FOXP1: variants seen among roughly 807,000 people sequenced by gnomAD.
The protein encoded by FOXP1 is forkhead box protein P1.
A neutral mutation model predicts 98.2 loss-of-function variants in FOXP1; 15 were observed. That is an observed-to-expected ratio of 0.15 (90% CI 0.10 to 0.24). FOXP1 has a LOEUF of 0.24. Among genes scored for constraint, FOXP1 ranks in the 10% least tolerant of loss-of-function variants. The pLI is 1.00. For missense variants in FOXP1, 633 were observed against 848.5 expected, an observed-to-expected ratio of 0.75 and a Z score of 3.15; for synonymous variants, 371 against 314.5, an observed-to-expected ratio of 1.18 and a Z score of -1.90.
intron 4 of FOXP1, among the ~76,000 whole-genome samples, chr3:71,326,325 A>G (rs1442606667): frequency 1.3e-5 from 2 of 152,206 alleles, no homozygotes; most frequent in Non-Finnish European, 2.9e-5. Flanking sequence ...CCCAATGGGG[A>G]CTCAATGGGC....
chr3:71,570,667 T>A (rs1181948912), intron 2 of FOXP1: 1 of 152,148 alleles, frequency 6.6e-6, no homozygotes, highest in Non-Finnish European at 1.5e-5. Context: ...AGAACAGAGT[T>A]TGGGCAACAC....
chr3:71,283,720 C>T (rs917607843), intron 5 of FOXP1, among the ~76,000 whole-genome samples: 3 of 152,142 alleles, frequency 2.0e-5, no homozygotes, highest in Non-Finnish European at 4.4e-5. Context: ...GCAAAAGAGC[C>T]TTTTGGTTTT....
chr3:70,989,389 T>C (rs569997342), intron 13 of FOXP1, among the ~76,000 whole-genome samples: 2 of 152,264 alleles, frequency 1.3e-5, no homozygotes, highest in East Asian at 3.9e-4. Flanking sequence ...TTAGCATTTA[T>C]CTTTCAACAA....
At position 71,494,534 on chromosome 3, in the gene FOXP1, G is replaced by A. The variant is rs911571537; in HGVS notation, c.-297-979C>T. On this transcript the variant is annotated intron_variant, in intron 2 of 20. Transcript: ENST00000649528. ...AACCCTATTGAGCCAGCATCCCGGC[G>A]GCTGGCAGCATCCCCTGGGTGCCCA... is the stretch of plus-strand genomic sequence containing the variant. Among the ~76,000 whole-genome samples the A allele has an allele frequency of 9.2e-5, 14 of 152,232 alleles. No individual in the cohort carries two copies. The East Asian group carries it at 1.5e-3, about 17-fold the overall frequency.
intron 2 of FOXP1, among the ~76,000 whole-genome samples, chr3:71,561,755 T>C (rs896060914): frequency 2.0e-4 from 30 of 152,186 alleles, no homozygotes; most frequent in Admixed American, 3.9e-4. Flanking sequence ...TCAAATTCTA[T>C]CCCATGAAAA....
At chr3:71,524,647 T>C (rs1375755106) in intron 2 of FOXP1, among the ~76,000 whole-genome samples, 1 of 152,206 alleles carries the variant, frequency 6.6e-6, no homozygotes, top group African/African-American at 2.4e-5. Flanking sequence ...AACTTCTTTC[T>C]GTAAAATATT....
chr3:70,979,435 A>C (rs903367507), intron 14 of FOXP1, among the ~76,000 whole-genome samples: 1 of 152,130 alleles, frequency 6.6e-6, no homozygotes, highest in South Asian at 2.1e-4. Context: ...GTTGCAACAG[A>C]AATATTATTT....
intron 3 of FOXP1, among the ~76,000 whole-genome samples, chr3:71,423,138 A>G (rs1461263864): frequency 6.6e-6 from 1 of 152,228 alleles, no homozygotes; most frequent in Non-Finnish European, 1.5e-5. Context: ...GTCCCCAGAG[A>G]CAATTTCACA....
intron 6 of FOXP1, among the ~76,000 whole-genome samples, chr3:71,112,960 G>C (rs2058062992): frequency 6.6e-6 from 1 of 152,108 alleles, no homozygotes; most frequent in Non-Finnish European, 1.5e-5. Context: ...GACCAGGAGG[G>C]ACCCAAGCAA....
At chr3:71,097,891 TG>T (rs555225137) in intron 7 of FOXP1, among the ~76,000 whole-genome samples, 46 of 152,336 alleles carry the variant, frequency 3.0e-4, no homozygotes, top group Middle Eastern at 3.4e-3. Context: ...TTTTATCTTC[TG>T]GAAATGCTTG....
intron 4 of FOXP1, among the ~76,000 whole-genome samples, chr3:71,319,024 A>C (rs1299251109): frequency 1.3e-5 from 2 of 152,366 alleles, no homozygotes; most frequent in East Asian, 3.9e-4. Flanking sequence ...AGAGGGCAGA[A>C]ACATTTCAAA....
chr3:71,418,746 G>T (rs1181601397), intron 3 of FOXP1, among the ~76,000 whole-genome samples: 1 of 152,096 alleles, frequency 6.6e-6, no homozygotes, highest in Non-Finnish European at 1.5e-5. Context: ...ATTTTGTCCA[G>T]TTAGCCATTT....
At chr3:71,341,423 G>T (rs1056155280) in intron 4 of FOXP1, among the ~76,000 whole-genome samples, 2 of 152,136 alleles carry the variant, frequency 1.3e-5, no homozygotes, top group Non-Finnish European at 2.9e-5. Context: ...AACTTATGAG[G>T]TACAGATAAA....
At chr3:71,061,838 A>G (rs954688428) in intron 7 of FOXP1, among the ~76,000 whole-genome samples, 1 of 152,194 alleles carries the variant, frequency 6.6e-6, no homozygotes, top group Non-Finnish European at 1.5e-5. Context: ...TGCCAATTCA[A>G]ATTTTACTCA....
intron 6 of FOXP1, among the ~76,000 whole-genome samples, chr3:71,147,658 A>G (rs1334971558): frequency 1.3e-5 from 2 of 152,212 alleles, no homozygotes; most frequent in Non-Finnish European, 2.9e-5. Context: ...CTGCCCTGAA[A>G]ATTTTCTAGT....
chr3:71,171,599 A>G (rs1318593517), intron 6 of FOXP1, among the ~76,000 whole-genome samples: 1 of 152,224 alleles, frequency 6.6e-6, no homozygotes, highest in Admixed American at 6.5e-5. Context: ...ATAAGAAATA[A>G]AAGTGACTTT....
chr3:71,295,142 T>C (rs1244592529), intron 5 of FOXP1, among the ~76,000 whole-genome samples: 1 of 152,208 alleles, frequency 6.6e-6, no homozygotes, highest in African/African-American at 2.4e-5. Flanking sequence ...CTTAACTGAA[T>C]TGACTGATCA....
At chr3:71,373,193 T>A (rs904270617) in intron 3 of FOXP1, among the ~76,000 whole-genome samples, 1 of 152,204 alleles carries the variant, frequency 6.6e-6, no homozygotes, top group Non-Finnish European at 1.5e-5. Flanking sequence ...CCATATTATG[T>A]CATTGTGTAT....
At chr3:71,314,436 G>A (rs1303610487) in intron 4 of FOXP1, among the ~76,000 whole-genome samples, 1 of 151,912 alleles carries the variant, frequency 6.6e-6, no homozygotes, top group Non-Finnish European at 1.5e-5. Context: ...GCTGAGACAG[G>A]AGAATCACTT....
Sources: gnomAD v4.1 joint callset for allele counts (sites outside exome capture counted in the v4.1 genomes callset) on GRCh38, gnomAD v4.1.1 for gene constraint, MANE v1.5 for transcripts, NCBI Gene and HGNC (gene_info 2026-07-23, HGNC 2026-07-21) for gene names.